The following GPC6 variants were observed in gnomAD, a reference collection of about 807,000 sequenced individuals.
The protein encoded by GPC6 is glypican 6, also known as glypican-6.
In GPC6, 14 loss-of-function variants were observed where a neutral mutation model predicts 55.2. The observed-to-expected ratio is 0.25, with a 90% CI of 0.17 to 0.40. The LOEUF (loss-of-function observed/expected upper bound fraction) is 0.40. GPC6 is among the 10% of genes least tolerant of loss of function. The pLI is 1.00. For missense variants in GPC6, 641 were observed against 708.5 expected, an observed-to-expected ratio of 0.90 and a Z score of 1.08; for synonymous variants, 278 against 259.6, an observed-to-expected ratio of 1.07 and a Z score of -0.68.
intron 6 of GPC6, among the ~76,000 whole-genome samples, chr13:94,312,295 A>T (rs1291770961): frequency 2.0e-5 from 3 of 152,246 alleles, no homozygotes; most frequent in Admixed American, 2.0e-4. Flanking sequence ...ATATTTAAGT[A>T]CTTACAAAAG....
chr13:93,268,445 C>A (rs1877399090), intron 1 of GPC6, among the ~76,000 whole-genome samples: 1 of 152,152 alleles, frequency 6.6e-6, no homozygotes, highest in Non-Finnish European at 1.5e-5. Context: ...AGAAAAGCTA[C>A]AGAATGTGAG....
At chr13:93,496,295 G>A (rs1452022776) in intron 1 of GPC6, among the ~76,000 whole-genome samples, 14 of 152,136 alleles carry the variant, frequency 9.2e-5, no homozygotes, top group Admixed American at 3.9e-4. Flanking sequence ...TTTCAGGTGC[G>A]TCCCTCACCC....
intron 1 of GPC6, among the ~76,000 whole-genome samples, chr13:93,244,406 C>T (rs1876532466): frequency 6.6e-6 from 1 of 152,240 alleles, no homozygotes; most frequent in Non-Finnish European, 1.5e-5. Flanking sequence ...GCTCCTGTGT[C>T]CATGCCAGAA....
In GPC6 at chr13:93,285,638, G is replaced by GTGTGTGTGTA. The variant is rs1555287702; in HGVS notation, c.160+58031_160+58032insATGTGTGTGT. 3.1e-3 allele frequency among the ~76,000 whole-genome samples: 462 copies of GTGTGTGTGTA among 150,730 alleles called. 5 individuals carry two copies. The highest frequency in any genetic ancestry group is 9.8e-3 in the African/African-American group (399 of 40,856). On this transcript the variant is annotated intron_variant, in intron 1 of 8. Coordinates refer to ENST00000377047, the MANE Select transcript of GPC6 (RefSeq NM_005708.5). The stretch of plus-strand genomic sequence containing the variant: ...CTGCTGTGTGTGTGTGTGTGTGTGT[G>GTGTGTGTGTA]TGTGTGTGTGTGTGTGTGTGTGTGT...
At chr13:93,406,125 T>C (rs1195368803) in intron 1 of GPC6, among the ~76,000 whole-genome samples, 2 of 152,226 alleles carry the variant, frequency 1.3e-5, no homozygotes, top group Non-Finnish European at 2.9e-5. Flanking sequence ...ATTCAATGTT[T>C]GGTGAAGTAG....
At chr13:94,124,180 A>G (rs76077746) in intron 4 of GPC6, among the ~76,000 whole-genome samples, 7,847 of 152,196 alleles carry the variant, frequency 0.052, 273 homozygotes, top group Non-Finnish European at 0.084. Flanking sequence ...TTATTTAGGT[A>G]TTCTTTAAGC....
At chr13:93,796,974 A>G (rs1460284483) in intron 2 of GPC6, among the ~76,000 whole-genome samples, 1 of 152,274 alleles carries the variant, frequency 6.6e-6, no homozygotes, top group Non-Finnish European at 1.5e-5. Context: ...AAAGGGATGA[A>G]TTGTGAATAC....
chr13:93,784,439 A>G (rs960672647), intron 2 of GPC6, among the ~76,000 whole-genome samples: 2 of 152,084 alleles, frequency 1.3e-5, no homozygotes, highest in Admixed American at 6.6e-5. Flanking sequence ...TATGTAATGT[A>G]CTCCAGCTGA....
chr13:93,948,580 T>C (rs188102569), intron 3 of GPC6, among the ~76,000 whole-genome samples: 57 of 152,336 alleles, frequency 3.7e-4, no homozygotes, highest in African/African-American at 1.3e-3. Context: ...GTATGTTTTA[T>C]AGCAGAAATA....
chr13:93,468,635 A>T (rs1372150067), intron 1 of GPC6, among the ~76,000 whole-genome samples: 1 of 152,136 alleles, frequency 6.6e-6, no homozygotes, highest in Non-Finnish European at 1.5e-5. Flanking sequence ...CACAAGTGTG[A>T]TATTCAGCAA....
At chr13:93,888,373 A>T in intron 3 of GPC6, among the ~76,000 whole-genome samples, 1 of 152,208 alleles carries the variant, frequency 6.6e-6, no homozygotes, top group Admixed American at 6.5e-5. Flanking sequence ...GTCATCGTTC[A>T]TTCCTACAGA....
At chr13:94,106,515 A>G (rs1886060010) in intron 4 of GPC6, among the ~76,000 whole-genome samples, 1 of 152,060 alleles carries the variant, frequency 6.6e-6, no homozygotes, top group Non-Finnish European at 1.5e-5. Context: ...AGAAGAGTTA[A>G]GAGAGTGAGG....
At position 94,180,270 on chromosome 13, in the gene GPC6, A is replaced by G. The variant is rs190500863; in HGVS notation, c.878-106079A>G. The stretch of plus-strand genomic sequence containing the variant: ...AGTTCCTGGGTTCATCTGATGCTAA[A>G]CTGTACGTGAACACTAACTCCTTAA... On this transcript the variant is annotated intron_variant, in intron 4 of 8. Transcript: ENST00000377047. Among the ~76,000 whole-genome samples the G allele has an allele frequency of 3.2e-4, 48 of 152,286 alleles. 1 individual carries two copies. Among genetic ancestry groups the G allele is most frequent in the African/African-American group, 1.1e-3 (47 of 41,564 alleles).
chr13:93,280,966 G>C (rs1392970145), intron 1 of GPC6, among the ~76,000 whole-genome samples: 3 of 152,318 alleles, frequency 2.0e-5, no homozygotes, highest in Admixed American at 1.3e-4. Flanking sequence ...ACCTCCGGCT[G>C]TGTGGCCCAG....
chr13:93,914,494 T>C lies in GPC6; in HGVS notation c.711+83949T>C, dbSNP rs117024645. Among the ~76,000 whole-genome samples the C allele has an allele frequency of 5.9e-5, 9 of 152,342 alleles. No individual in the cohort carries two copies. In the East Asian group the frequency reaches 1.4e-3, roughly 23 times the overall value. ...GGCATTGCTCTTTTAACTAATTTTA[T>C]TCTTGCTACACTCTGTGGTAGCTAT... On this transcript the variant is annotated intron_variant, in intron 3 of 8. Transcript: ENST00000377047.
rs545855692 is a variant in GPC6 at position 93,857,902 on chromosome 13, T to C, written c.711+27357T>C. ...TATAGGGTCAAAGAGAGGAATGATC[T>C]TTGTGGGCCATAGATAATGGGGAAG... is the stretch of plus-strand genomic sequence containing the variant. On this transcript the variant is annotated intron_variant, in intron 3 of 8. Transcript: ENST00000377047. Among the ~76,000 whole-genome samples, 25 of 151,656 alleles carry C rather than the reference T, an allele frequency of 1.6e-4. 1 individual carries two copies. The South Asian group carries it at 4.8e-3, about 29-fold the overall frequency.
At chr13:93,226,682 G>C (rs1324976839), upstream of GPC6, 1 of 152,112 alleles carries the variant, frequency 6.6e-6, no homozygotes, top group Non-Finnish European at 1.5e-5. Flanking sequence ...TAAGAAAATA[G>C]GTACGTTTCT....
chr13:94,184,335 A>G (rs1038409686), intron 4 of GPC6, among the ~76,000 whole-genome samples: 5 of 152,070 alleles, frequency 3.3e-5, no homozygotes, highest in African/African-American at 2.4e-5. Flanking sequence ...AAAAAAACCT[A>G]CTAGAGTAAA....
intron 1 of GPC6, among the ~76,000 whole-genome samples, chr13:93,350,229 G>C (rs1267251296): frequency 1.3e-5 from 2 of 152,138 alleles, no homozygotes; most frequent in African/African-American, 4.8e-5. Context: ...GAAGTCAGGA[G>C]TTTGAGACAA....
Sources: allele counts gnomAD v4.1 joint callset (sites outside exome capture counted in the v4.1 genomes callset), GRCh38; gene constraint gnomAD v4.1.1; transcripts MANE v1.5; gene names NCBI Gene and HGNC (gene_info 2026-07-23, HGNC 2026-07-21).